Variants in CNTNAP2 observed in about 807,000 individuals in gnomAD.
CNTNAP2 encodes the protein contactin associated protein 2.
Under a neutral mutation model 155.2 loss-of-function variants are expected in CNTNAP2, and 98 were observed. The ratio of observed to expected loss-of-function variants is 0.63; its 90% CI spans 0.54 to 0.75. The LOEUF is 0.75. CNTNAP2 is among the 30% of genes least tolerant of loss of function. The pLI, the probability that CNTNAP2 is intolerant of heterozygous loss-of-function variation, is 0.00. For synonymous variants in CNTNAP2, 651 were observed against 631.2 expected (o/e 1.03, Z -0.47); for missense variants, 1,727 against 1,688.1 (o/e 1.02, Z -0.40).
At chr7:147,985,610 C>CT (rs1801607007) in intron 15 of CNTNAP2, among the ~76,000 whole-genome samples, 1 of 151,978 alleles carries the variant, frequency 6.6e-6, no homozygotes, top group Admixed American at 6.6e-5. Flanking sequence ...TTGCACCCCT[C>CT]TTTTTGACAA....
At chr7:147,477,385 T>C (rs1798341813) in intron 10 of CNTNAP2, among the ~76,000 whole-genome samples, 1 of 152,202 alleles carries the variant, frequency 6.6e-6, no homozygotes, top group African/African-American at 2.4e-5. Context: ...TACCTCCAAG[T>C]AATCAATTAA....
At chr7:147,825,684 TAAAAA>T (rs1225564534) in intron 13 of CNTNAP2, among the ~76,000 whole-genome samples, 1 of 151,980 alleles carries the variant, frequency 6.6e-6, no homozygotes, top group African/African-American at 2.4e-5. Context: ...ATAATCCAGA[TAAAAA>T]GAGAAGATAT....
intron 13 of CNTNAP2, among the ~76,000 whole-genome samples, chr7:147,711,985 A>G (rs2117016996): frequency 6.6e-6 from 1 of 152,310 alleles, no homozygotes. Context: ...TTGAAAATTA[A>G]GATCCTCCAC....
At position 147,326,132 on chromosome 7, in the gene CNTNAP2, G is replaced by T. The variant is rs563516919; in HGVS notation, c.1498+25842G>T. On this transcript the variant is annotated intron_variant, in intron 9 of 23. Coordinates refer to ENST00000361727, the MANE Select transcript of CNTNAP2 (RefSeq NM_014141.6). Reference sequence around the variant, plus strand: ...GTAGAGATGGGGTTTCACCGTGTTAGCCAGGATGGTCTCGATCTCCTGACC... The same window carrying T: ...GTAGAGATGGGGTTTCACCGTGTTATCCAGGATGGTCTCGATCTCCTGACC... Among the ~76,000 whole-genome samples the T allele has an allele frequency of 3.7e-3, 558 of 152,288 alleles. 1 individual carries two copies. The highest frequency in any genetic ancestry group is 6.2e-3 in the South Asian group (30 of 4,826).
chr7:147,579,610 A>T (rs1396713706), intron 12 of CNTNAP2, among the ~76,000 whole-genome samples: 1 of 152,142 alleles, frequency 6.6e-6, no homozygotes, highest in Non-Finnish European at 1.5e-5. Context: ...TGATTTGTGC[A>T]TTGTCTTCAG....
chr7:146,132,032 T>C (rs550833676), intron 1 of CNTNAP2, among the ~76,000 whole-genome samples: 1 of 152,332 alleles, frequency 6.6e-6, no homozygotes, highest in Non-Finnish European at 1.5e-5. Context: ...TTAAACTTTC[T>C]TTGTTTATAA....
intron 15 of CNTNAP2, among the ~76,000 whole-genome samples, chr7:148,105,836 C>T (rs986146969): frequency 6.6e-6 from 1 of 152,214 alleles, no homozygotes; most frequent in South Asian, 2.1e-4. Context: ...ATCCACCCAC[C>T]TCGGCCTCCC....
intron 1 of CNTNAP2, among the ~76,000 whole-genome samples, chr7:146,270,596 A>G (rs1284200634): frequency 1.3e-5 from 2 of 152,184 alleles, no homozygotes; most frequent in African/African-American, 4.8e-5. Context: ...TAATATTTCC[A>G]AAAGATGTTT....
chr7:147,426,614 AAT>A (rs1443087332), intron 10 of CNTNAP2, among the ~76,000 whole-genome samples: 1 of 152,160 alleles, frequency 6.6e-6, no homozygotes, highest in East Asian at 1.9e-4. Flanking sequence ...TAGAACAGAA[AAT>A]ATGTTAAAAA....
intron 21 of CNTNAP2, among the ~76,000 whole-genome samples, chr7:148,303,162 C>A (rs1249230074): frequency 6.6e-6 from 1 of 152,104 alleles, no homozygotes. Context: ...GGGTCCCATA[C>A]ATCCTGAAAA....
At chr7:147,812,363 A>G (rs1415410369) in intron 13 of CNTNAP2, among the ~76,000 whole-genome samples, 1 of 152,186 alleles carries the variant, frequency 6.6e-6, no homozygotes, top group Non-Finnish European at 1.5e-5. Context: ...TTGTTAAAAT[A>G]ACATCTAACT....
chr7:146,125,868 C>T (rs1006008063), intron 1 of CNTNAP2, among the ~76,000 whole-genome samples: 3 of 152,124 alleles, frequency 2.0e-5, no homozygotes, highest in Non-Finnish European at 4.4e-5. Flanking sequence ...TTTACATTTT[C>T]AGCATCAATC....
At chr7:147,273,013 C>A (rs1462440733) in intron 8 of CNTNAP2, among the ~76,000 whole-genome samples, 2 of 152,104 alleles carry the variant, frequency 1.3e-5, no homozygotes, top group East Asian at 3.9e-4. Flanking sequence ...TTCTTCTTTT[C>A]CATTTGCTGC....
chr7:146,958,750 AT>A (rs1296274474), intron 3 of CNTNAP2, among the ~76,000 whole-genome samples: 1 of 151,768 alleles, frequency 6.6e-6, no homozygotes, highest in Non-Finnish European at 1.5e-5. Context: ...TTTCTTAGCT[AT>A]TTTCATCTGT....
chr7:147,623,332 G>C (rs1794905728), intron 12 of CNTNAP2, among the ~76,000 whole-genome samples: 1 of 151,950 alleles, frequency 6.6e-6, no homozygotes, highest in Non-Finnish European at 1.5e-5. Flanking sequence ...GTTTGCAGAT[G>C]ATATGATCTT....
chr7:147,093,742 T>A (rs989468703), intron 4 of CNTNAP2, among the ~76,000 whole-genome samples: 3 of 152,156 alleles, frequency 2.0e-5, no homozygotes, highest in Non-Finnish European at 4.4e-5. Flanking sequence ...AAGTCTCATC[T>A]AAATAACATC....
chr7:147,244,692 A>T (rs191244901), intron 8 of CNTNAP2, among the ~76,000 whole-genome samples: 408 of 152,298 alleles, frequency 2.7e-3, no homozygotes, highest in African/African-American at 9.2e-3. Context: ...TGGAGAGCAG[A>T]TTTTTAAGAC....
chr7:147,464,030 A>C (rs7789396), intron 10 of CNTNAP2, among the ~76,000 whole-genome samples: 116,306 of 149,044 alleles, frequency 0.78, 45,748 homozygotes, highest in African/African-American at 0.88. Context: ...AAGACATCCC[A>C]ATTGTTTAAA....
intron 9 of CNTNAP2, among the ~76,000 whole-genome samples, chr7:147,354,320 T>C (rs980225526): frequency 2.0e-5 from 3 of 152,168 alleles, no homozygotes; most frequent in Non-Finnish European, 1.5e-5. Flanking sequence ...GTATAAGGTG[T>C]AAGGAAGAGG....
Sources: gnomAD v4.1 joint callset for allele counts (sites outside exome capture counted in the v4.1 genomes callset) on GRCh38, gnomAD v4.1.1 for gene constraint, MANE v1.5 for transcripts, NCBI Gene and HGNC (gene_info 2026-07-23, HGNC 2026-07-21) for gene names.